The following XKR9 variants were observed in gnomAD, a reference collection of about 807,000 sequenced individuals.
XKR9 encodes XK related 9, also known as XK-related protein 9.
Under a neutral mutation model 32.0 loss-of-function variants are expected in XKR9, and 32 were observed. The observed-to-expected ratio is 1.00, with a 90% confidence interval of 0.76 to 1.34. XKR9 has a LOEUF of 1.34. Ranked by LOEUF, XKR9 falls within the 40% of genes most tolerant of loss-of-function variation. The pLI, the probability that XKR9 is intolerant of heterozygous loss-of-function variation, is 0.00. For missense variants in XKR9, 546 were observed against 429.7 expected (o/e 1.27, Z -2.39); for synonymous variants, 168 against 143.4 (o/e 1.17, Z -1.22).
the XKR9 span, among the ~76,000 whole-genome samples, chr8:70,998,813 G>A: frequency 0.025 from 3,739 of 152,274 alleles, 152 homozygotes; most frequent in African/African-American, 0.084. Context: ...CATTGCTTGT[G>A]TGGTTTGAGA....
intron 2 of XKR9, among the ~76,000 whole-genome samples, chr8:70,763,581 T>A (rs1196381909): frequency 6.6e-6 from 1 of 152,228 alleles, no homozygotes; most frequent in Non-Finnish European, 1.5e-5. Context: ...ATGTATATAT[T>A]CAGTTTATAG....
At chr8:70,822,329 A>T in the XKR9 span, among the ~76,000 whole-genome samples, 9 of 152,078 alleles carry the variant, frequency 5.9e-5, no homozygotes, top group African/African-American at 2.2e-4. Context: ...TTAATTAGAG[A>T]TTTTGTTAAT....
chr8:70,670,931 T>C (rs1818695142), intron 1 of XKR9, among the ~76,000 whole-genome samples: 1 of 152,218 alleles, frequency 6.6e-6, no homozygotes, highest in African/African-American at 2.4e-5. Context: ...TGCTGGAAAG[T>C]CAGTGAACCC....
At chr8:71,062,041 A>G in the XKR9 span, among the ~76,000 whole-genome samples, 1 of 152,222 alleles carries the variant, frequency 6.6e-6, no homozygotes, top group African/African-American at 2.4e-5. Flanking sequence ...TTCAGGGATG[A>G]CCACAGAATC....
the XKR9 span, among the ~76,000 whole-genome samples, chr8:70,940,820 A>T: frequency 1.3e-5 from 2 of 151,890 alleles, no homozygotes; most frequent in East Asian, 3.9e-4. Context: ...ACCTTTACCC[A>T]CTTACCTTAA....
At chr8:70,814,121 T>G in the XKR9 span, among the ~76,000 whole-genome samples, 1 of 151,966 alleles carries the variant, frequency 6.6e-6, no homozygotes, top group African/African-American at 2.4e-5. Flanking sequence ...CCATAAAAAA[T>G]GAAGAGTTCA....
intron 2 of XKR9, among the ~76,000 whole-genome samples, chr8:70,676,084 C>T (rs1818876212): frequency 1.3e-5 from 2 of 152,062 alleles, no homozygotes; most frequent in Admixed American, 1.3e-4. Flanking sequence ...AAGCAAAGTG[C>T]CAGAATCTGC....
chr8:70,805,879 C>A, the XKR9 span, among the ~76,000 whole-genome samples: 1 of 152,134 alleles, frequency 6.6e-6, no homozygotes, highest in Non-Finnish European at 1.5e-5. Context: ...CCTAGTGAAG[C>A]ACACCCCCTC....
chr8:70,844,889 A>C, the XKR9 span, among the ~76,000 whole-genome samples: 1 of 152,210 alleles, frequency 6.6e-6, no homozygotes, highest in Non-Finnish European at 1.5e-5. Context: ...CATGCTCCAC[A>C]TCCTATCCAG....
chr8:70,723,908 C>T (rs1306303055), intron 4 of XKR9, among the ~76,000 whole-genome samples: 8 of 133,054 alleles, frequency 6.0e-5, no homozygotes, highest in East Asian at 4.0e-4. Flanking sequence ...TTTTTTGAGA[C>T]GGAGTGTCGC....
chr8:70,876,447 G>T, the XKR9 span, among the ~76,000 whole-genome samples: 2 of 151,976 alleles, frequency 1.3e-5, no homozygotes. Context: ...TCAGAAGTGG[G>T]TGAGTAGGCA....
chr8:70,756,557 T>C (rs1807229373), intron 2 of XKR9, among the ~76,000 whole-genome samples: 1 of 152,230 alleles, frequency 6.6e-6, no homozygotes, highest in Non-Finnish European at 1.5e-5. Context: ...TTTTATAGAT[T>C]TCAGAGTATA....
At chr8:70,804,373 T>G in the XKR9 span, among the ~76,000 whole-genome samples, 1 of 152,264 alleles carries the variant, frequency 6.6e-6, no homozygotes, top group Non-Finnish European at 1.5e-5. Context: ...ATATCTATGG[T>G]CTATTTGGAG....
chr8:70,741,138 G>T (rs1235565293), intron 2 of XKR9, among the ~76,000 whole-genome samples: 1 of 152,220 alleles, frequency 6.6e-6, no homozygotes, highest in Non-Finnish European at 1.5e-5. Context: ...CGAGCATCTG[G>T]GCTGCTTTGT....
the XKR9 span, among the ~76,000 whole-genome samples, chr8:70,815,407 G>A: frequency 6.6e-6 from 1 of 152,090 alleles, no homozygotes; most frequent in Non-Finnish European, 1.5e-5. Context: ...CCACTTACAA[G>A]TGAGAACATG....
chr8:70,839,258 A>C, the XKR9 span, among the ~76,000 whole-genome samples: 1 of 152,118 alleles, frequency 6.6e-6, no homozygotes, highest in Non-Finnish European at 1.5e-5. Flanking sequence ...GGCTACACCA[A>C]CTGTACCTAC....
At chr8:70,740,123 G>T (rs1463627354), downstream of XKR9, among the ~76,000 whole-genome samples, 1 of 152,076 alleles carries the variant, frequency 6.6e-6, no homozygotes, top group Non-Finnish European at 1.5e-5. Context: ...TGTAGATTTG[G>T]TCTTTTCACA....
At chr8:70,904,682 T>G in the XKR9 span, among the ~76,000 whole-genome samples, 1 of 152,326 alleles carries the variant, frequency 6.6e-6, no homozygotes, top group South Asian at 2.1e-4. Context: ...GCTGGTTATT[T>G]TGCCTGTTAG....
At chr8:70,968,195 ACT>A in the XKR9 span, among the ~76,000 whole-genome samples, 2 of 151,340 alleles carry the variant, frequency 1.3e-5, no homozygotes, top group African/African-American at 4.8e-5. Context: ...TAGTCTTCAA[ACT>A]CTGAGATTTT....
Sources: gnomAD v4.1 joint callset for allele counts (sites outside exome capture counted in the v4.1 genomes callset) on GRCh38, gnomAD v4.1.1 for gene constraint, MANE v1.5 for transcripts, NCBI Gene and HGNC (gene_info 2026-07-23, HGNC 2026-07-21) for gene names.